NAALADL2: variants seen among roughly 807,000 people sequenced by gnomAD.
NAALADL2 encodes inactive N-acetylated-alpha-linked acidic dipeptidase-like protein 2.
In NAALADL2, 76 loss-of-function variants were observed where a neutral mutation model predicts 87.2. The observed-to-expected ratio is 0.87, with a 90% CI of 0.72 to 1.05. The LOEUF (loss-of-function observed/expected upper bound fraction) is 1.05. Ranked by LOEUF, NAALADL2 falls within the 50% of genes least tolerant of loss-of-function variation. The pLI is 0.00. For synonymous variants in NAALADL2, 354 were observed against 331.0 expected, an observed-to-expected ratio of 1.07 and a Z score of -0.75; for missense variants, 1,089 against 945.8, an observed-to-expected ratio of 1.15 and a Z score of -1.99.
At chr3:174,522,933 C>CAAA (rs57653560) in intron 1 of NAALADL2, among the ~76,000 whole-genome samples, 3 of 75,818 alleles carry the variant, frequency 4.0e-5, no homozygotes, top group Non-Finnish European at 4.9e-5. Context: ...GACTCTGTCT[C>CAAA]AAAAAAAAAA....
intron 1 of NAALADL2, among the ~76,000 whole-genome samples, chr3:174,933,815 A>C (rs909012725): frequency 2.3e-4 from 35 of 152,298 alleles, no homozygotes; most frequent in Admixed American, 1.9e-3. Context: ...AAATTGAGAG[A>C]TATGGTCCCA....
intron 2 of NAALADL2, among the ~76,000 whole-genome samples, chr3:175,120,711 A>G (rs1726022589): frequency 6.6e-6 from 1 of 151,736 alleles, no homozygotes; most frequent in Non-Finnish European, 1.5e-5. Flanking sequence ...AAGTGTAGCT[A>G]TTTTCAACAC....
chr3:174,614,021 A>T (rs1272114318), intron 2 of NAALADL2, among the ~76,000 whole-genome samples: 2 of 152,180 alleles, frequency 1.3e-5, no homozygotes, highest in Non-Finnish European at 1.5e-5. Context: ...ACTCTGACTG[A>T]TGTCCTATCC....
At chr3:175,534,873 C>A (rs1304473624) in intron 9 of NAALADL2, among the ~76,000 whole-genome samples, 2 of 151,394 alleles carry the variant, frequency 1.3e-5, no homozygotes, top group African/African-American at 4.9e-5. Flanking sequence ...TGCAGTAGTT[C>A]TTGCCTTTCT....
intron 5 of NAALADL2, among the ~76,000 whole-genome samples, chr3:175,324,752 G>GT (rs1380327980): frequency 5.3e-5 from 8 of 152,182 alleles, no homozygotes; most frequent in Admixed American, 5.2e-4. Flanking sequence ...AGTTAGGTGA[G>GT]TAAAGTAGTA....
At chr3:174,687,763 C>G (rs1232215235) in intron 2 of NAALADL2, among the ~76,000 whole-genome samples, 1 of 152,098 alleles carries the variant, frequency 6.6e-6, no homozygotes, top group Admixed American at 6.6e-5. Flanking sequence ...CCTCATGTGT[C>G]AAGGGCAGGG....
intron 11 of NAALADL2, among the ~76,000 whole-genome samples, chr3:175,668,645 C>A (rs1485351867): frequency 6.6e-6 from 1 of 152,078 alleles, no homozygotes; most frequent in Non-Finnish European, 1.5e-5. Context: ...ATTTATATTT[C>A]TTTCTCATGA....
intron 1 of NAALADL2, among the ~76,000 whole-genome samples, chr3:174,877,508 C>T (rs1728658356): frequency 6.6e-6 from 1 of 152,058 alleles, no homozygotes; most frequent in Non-Finnish European, 1.5e-5. Flanking sequence ...CCAAATCCAA[C>T]AACAAAGAAA....
At chr3:174,833,138 G>A (rs186869807) in intron 3 of NAALADL2, among the ~76,000 whole-genome samples, 75 of 152,022 alleles carry the variant, frequency 4.9e-4, no homozygotes, top group Non-Finnish European at 9.4e-4. Flanking sequence ...AAAATCATTT[G>A]TTATATAAGT....
Position 175,796,346 on chromosome 3 carries a change from G to C in NAALADL2, c.2190-6659G>C, listed in dbSNP as rs76687528. On this transcript the variant is annotated intron_variant, in intron 13 of 13. Transcript: ENST00000454872. ...TATTTTAAAGGAGTCTCCACACACAGAGGAAAATAATTGCAGCCATTTCCC... is the reference window on the plus strand; with the variant it reads ...TATTTTAAAGGAGTCTCCACACACACAGGAAAATAATTGCAGCCATTTCCC... Among the ~76,000 whole-genome samples the C allele has an allele frequency of 1.9e-3, 287 of 152,286 alleles. 3 individuals are homozygous for C. The East Asian group carries it at 0.029, about 15-fold the overall frequency.
At chr3:174,805,809 A>G (rs1231368025) in intron 3 of NAALADL2, among the ~76,000 whole-genome samples, 1 of 152,204 alleles carries the variant, frequency 6.6e-6, no homozygotes, top group Non-Finnish European at 1.5e-5. Context: ...TAAATCATAA[A>G]TATAGAAGAA....
At chr3:174,549,729 C>A (rs1711888709) in intron 1 of NAALADL2, among the ~76,000 whole-genome samples, 1 of 152,078 alleles carries the variant, frequency 6.6e-6, no homozygotes, top group Admixed American at 6.5e-5. Context: ...ACCGAAATGT[C>A]ATTGACAACC....
At chr3:175,013,545 C>G (rs1261320003) in intron 1 of NAALADL2, among the ~76,000 whole-genome samples, 1 of 151,492 alleles carries the variant, frequency 6.6e-6, no homozygotes, top group Admixed American at 6.6e-5. Context: ...GTGATTTGTC[C>G]TCCTCAGCCT....
intron 11 of NAALADL2, among the ~76,000 whole-genome samples, chr3:175,681,424 A>G (rs1283552478): frequency 1.3e-5 from 2 of 152,208 alleles, no homozygotes; most frequent in Non-Finnish European, 2.9e-5. Context: ...AGTTTAGTTC[A>G]AACCACTGTT....
At chr3:175,763,754 C>G (rs1748335555) in intron 13 of NAALADL2, among the ~76,000 whole-genome samples, 1 of 152,168 alleles carries the variant, frequency 6.6e-6, no homozygotes, top group Admixed American at 6.5e-5. Context: ...TCCATAAAAT[C>G]TCATCTTTAT....
At chr3:175,419,220 A>G (rs1276508607) in intron 5 of NAALADL2, among the ~76,000 whole-genome samples, 1 of 151,812 alleles carries the variant, frequency 6.6e-6, no homozygotes, top group East Asian at 1.9e-4. Flanking sequence ...GTTGCATATG[A>G]CAAGGGTTTT....
intron 4 of NAALADL2, among the ~76,000 whole-genome samples, chr3:175,274,755 G>T (rs1344623762): frequency 2.6e-5 from 4 of 152,142 alleles, no homozygotes; most frequent in Non-Finnish European, 4.4e-5. Context: ...TTAGTGAATT[G>T]AAGGTGAGCT....
chr3:175,510,070 A>G (rs1420653171), intron 9 of NAALADL2, among the ~76,000 whole-genome samples: 2 of 151,076 alleles, frequency 1.3e-5, no homozygotes, highest in Non-Finnish European at 2.9e-5. Context: ...TCATTGTTCA[A>G]TTCCCACCTA....
chr3:174,849,235 CAAT>C (rs987600560), intron 3 of NAALADL2, among the ~76,000 whole-genome samples: 1 of 151,990 alleles, frequency 6.6e-6, no homozygotes, highest in African/African-American at 2.4e-5. Flanking sequence ...TTTCTTTCAT[CAAT>C]AATAAGTTAA....
Sources: gnomAD v4.1 joint callset for allele counts (sites outside exome capture counted in the v4.1 genomes callset) on GRCh38, gnomAD v4.1.1 for gene constraint, MANE v1.5 for transcripts, NCBI Gene and HGNC (gene_info 2026-07-23, HGNC 2026-07-21) for gene names.